Variants in RASSF3 observed in about 807,000 individuals in gnomAD.
RASSF3 encodes the protein ras association domain-containing protein 3.
RASSF3 carries 19 observed loss-of-function variants against 19.9 expected under a neutral mutation model. That is an observed-to-expected ratio of 0.96 (90% CI 0.67 to 1.40). RASSF3 has a LOEUF of 1.40. Among genes scored for constraint, RASSF3 ranks in the 40% most tolerant of loss-of-function variants. RASSF3 has a pLI of 0.00. For missense variants in RASSF3, 306 were observed against 289.8 expected (o/e 1.06, Z -0.41); for synonymous variants, 110 against 104.2 (o/e 1.06, Z -0.34).
At chr12:64,693,882 A>G (rs1229811092) in intron 4 of RASSF3, among the ~76,000 whole-genome samples, 1 of 152,228 alleles carries the variant, frequency 6.6e-6, no homozygotes, top group Non-Finnish European at 1.5e-5. Flanking sequence ...TATTAAGCAA[A>G]TAATTGTAAT....
downstream of RASSF3, among the ~76,000 whole-genome samples, chr12:64,543,429 G>GCCTGCCCC (rs1868980858): frequency 5.5e-4 from 3 of 5,502 alleles, no homozygotes; most frequent in South Asian, 4.4e-3. Flanking sequence ...CCGGCTCCCC[G>GCCTGCCCC]CCCGCCCCCC....
intron 1 of RASSF3, among the ~76,000 whole-genome samples, chr12:64,514,123 G>A (rs1158263588): frequency 6.7e-6 from 1 of 148,460 alleles, no homozygotes; most frequent in African/African-American, 2.5e-5. Flanking sequence ...TCCTGACCTC[G>A]TGATCCACCT....
At chr12:64,647,174 T>A (rs1871764663) in intron 1 of RASSF3, among the ~76,000 whole-genome samples, 1 of 152,170 alleles carries the variant, frequency 6.6e-6, no homozygotes, top group African/African-American at 2.4e-5. Flanking sequence ...CTCCACCTCC[T>A]GGCACCCCAG....
At position 64,559,402 on chromosome 12, in the gene RASSF3, C is replaced by A. The variant is rs79520233; in HGVS notation, c.294+17697C>A. Among the ~76,000 whole-genome samples, 5 of 129,900 alleles carry A rather than the reference C, an allele frequency of 3.8e-5. No homozygotes were observed. The East Asian group carries it at 1.1e-3, about 30-fold the overall frequency. 85.2% of individuals were successfully genotyped at this position (129,900 alleles called of 152,430 possible). A position where few individuals can be genotyped will look rare whatever the true frequency, so the allele number is the denominator to read the frequency against. ...GGGACTACAGGCGCCTGCCACCAAA[C>A]CTGGCTAATTGTTGTTTTTGTTGTT... On this transcript the variant is annotated intron_variant, in intron 2 of 5. Coordinates refer to the RASSF3 transcript ENST00000637125.
rs749805436 is a variant in RASSF3 at position 64,610,686 on chromosome 12, C to T, written c.54C>T (p.Thr18=). 1.9e-6 allele frequency: 3 copies of T among 1,595,558 alleles called. No homozygotes were observed. Among genetic ancestry groups the T allele is most frequent in the Non-Finnish European group, 1.7e-6 (2 of 1,172,842 alleles). ...LEEDAEDFFF[T]ARTSFFRRAP... is the part of the protein sequence containing the mutation. ...AGGACGCCGAGGACTTCTTCTTCAC[C>T]GCCAGGACCTCCTTCTTCAGGAGAG... is the stretch of plus-strand genomic sequence containing the variant. Residue 18 remains threonine, a synonymous_variant, in exon 1 of 5, where the codon ACC becomes ACT. Coordinates refer to ENST00000542104, the MANE Select transcript of RASSF3 (RefSeq NM_178169.4).
chr12:64,520,629 C>T (rs2136103792), intron 1 of RASSF3, among the ~76,000 whole-genome samples: 1 of 139,908 alleles, frequency 7.1e-6, no homozygotes, highest in South Asian at 2.3e-4. Context: ...AGACTGGAAA[C>T]CTAGAAATAT....
At chr12:64,512,443 T>C (rs542248844) in intron 1 of RASSF3, among the ~76,000 whole-genome samples, 5 of 151,444 alleles carry the variant, frequency 3.3e-5, no homozygotes, top group African/African-American at 1.2e-4. Flanking sequence ...GAGGGCCCCA[T>C]CTCTGAAAAA....
chr12:64,646,764 T>G (rs1871749758), intron 1 of RASSF3, among the ~76,000 whole-genome samples: 1 of 151,924 alleles, frequency 6.6e-6, no homozygotes, highest in Non-Finnish European at 1.5e-5. Context: ...TTTTTTTCTG[T>G]TGAAATAGAG....
chr12:64,615,745 G>C (rs760921524), intron 1 of RASSF3, among the ~76,000 whole-genome samples: 1 of 150,034 alleles, frequency 6.7e-6, no homozygotes, highest in Non-Finnish European at 1.5e-5. Context: ...GTGTGATCTC[G>C]GCTCTGCAAC....
chr12:64,534,223 T>C (rs1186226908), intron 1 of RASSF3, among the ~76,000 whole-genome samples: 2 of 152,132 alleles, frequency 1.3e-5, no homozygotes, highest in Non-Finnish European at 2.9e-5. Flanking sequence ...ATTGCACCAC[T>C]GCACAACCAG....
chr12:64,514,694 G>C (rs1332042826), intron 1 of RASSF3, among the ~76,000 whole-genome samples: 1 of 152,112 alleles, frequency 6.6e-6, no homozygotes, highest in Non-Finnish European at 1.5e-5. Context: ...GATCTTCCAG[G>C]CAAGAGTGGG....
rs71434058 is a variant in RASSF3 at position 64,693,414 on chromosome 12, A to AT, written c.568-1336dup. On this transcript the variant is annotated intron_variant, in intron 4 of 4. Coordinates refer to ENST00000542104, the MANE Select transcript of RASSF3 (RefSeq NM_178169.4). The stretch of plus-strand genomic sequence containing the variant: ...CTTCTATTTTTTAAAATCTGTTTTA[A>AT]TTTTTTTTTTTTTCTTTTTAAAGAG... Among the ~76,000 whole-genome samples the AT allele has an allele frequency of 5.9e-3, 856 of 145,654 alleles. 4 individuals are homozygous for AT. The highest frequency in any genetic ancestry group is 0.027 in the East Asian group (133 of 5,012).
At chr12:64,641,093 T>C (rs1871501801) in intron 1 of RASSF3, among the ~76,000 whole-genome samples, 1 of 152,120 alleles carries the variant, frequency 6.6e-6, no homozygotes, top group Admixed American at 6.6e-5. Flanking sequence ...TCCATGTGAC[T>C]TAGAGCTTTA....
intron 1 of RASSF3, among the ~76,000 whole-genome samples, chr12:64,661,246 C>G (rs1872346529): frequency 6.6e-6 from 1 of 152,158 alleles, no homozygotes. Flanking sequence ...GTGGCTGATG[C>G]CTGTAATCCC....
At chr12:64,555,911 C>A (rs1167778546) in intron 2 of RASSF3, among the ~76,000 whole-genome samples, 1 of 151,968 alleles carries the variant, frequency 6.6e-6, no homozygotes, top group Non-Finnish European at 1.5e-5. Context: ...AAAAAGTCTC[C>A]CCCTTAAAAT....
intron 1 of RASSF3, among the ~76,000 whole-genome samples, chr12:64,516,481 T>A (rs927728261): frequency 4.4e-4 from 66 of 148,760 alleles, no homozygotes; most frequent in African/African-American, 1.6e-3. Flanking sequence ...TAGCCGGGCG[T>A]AGTGGCGGGC....
At chr12:64,658,851 T>G (rs1332204789) in intron 1 of RASSF3, among the ~76,000 whole-genome samples, 1 of 152,194 alleles carries the variant, frequency 6.6e-6, no homozygotes, top group African/African-American at 2.4e-5. Flanking sequence ...GGAGGATCAC[T>G]TGAGCTCAAG....
intron 1 of RASSF3, chr12:64,611,479 A>T (rs776142864): frequency 6.6e-6 from 1 of 152,204 alleles, no homozygotes; most frequent in African/African-American, 2.4e-5. Flanking sequence ...TGGGAAGGGA[A>T]CTTGTGCCAG....
intron 1 of RASSF3, among the ~76,000 whole-genome samples, chr12:64,638,291 G>A (rs1426124972): frequency 6.6e-6 from 1 of 152,136 alleles, no homozygotes; most frequent in African/African-American, 2.4e-5. Flanking sequence ...TTCTATAAAA[G>A]TAGTATGGGC....
Sources: gnomAD v4.1 joint callset for allele counts (sites outside exome capture counted in the v4.1 genomes callset) on GRCh38, gnomAD v4.1.1 for gene constraint, MANE v1.5 for transcripts, NCBI Gene and HGNC (gene_info 2026-07-23, HGNC 2026-07-21) for gene names.